Variants in ADGRL3 observed in about 807,000 individuals in gnomAD.
The protein encoded by ADGRL3 is calcium-independent alpha-latrotoxin receptor 3.
ADGRL3 carries 62 observed loss-of-function variants against 153.5 expected under a neutral mutation model. The observed-to-expected ratio is 0.40, with a 90% CI of 0.33 to 0.50. The LOEUF (loss-of-function observed/expected upper bound fraction) is 0.50, where lower values mean the gene tolerates loss of function less well. Ranked by LOEUF, ADGRL3 falls within the 20% of genes least tolerant of loss-of-function variation. ADGRL3 has a pLI of 0.47. For synonymous variants in ADGRL3, 710 were observed against 672.5 expected, an observed-to-expected ratio of 1.06 and a Z score of -0.86; for missense variants, 1,641 against 1,859.4, an observed-to-expected ratio of 0.88 and a Z score of 2.16.
intron 21 of ADGRL3, among the ~76,000 whole-genome samples, chr4:62,001,538 A>T (rs2099140330): frequency 6.6e-6 from 1 of 152,210 alleles, no homozygotes; most frequent in African/African-American, 2.4e-5. Context: ...ATTTTTATTT[A>T]AAATACATTA....
intron 5 of ADGRL3, among the ~76,000 whole-genome samples, chr4:61,651,447 C>A (rs1267668098): frequency 1.3e-5 from 2 of 152,138 alleles, no homozygotes; most frequent in Non-Finnish European, 2.9e-5. Flanking sequence ...GCCTTATCAG[C>A]ATCCTTAGTT....
At chr4:61,238,231 ATCT>A (rs1176213305) in intron 1 of ADGRL3, among the ~76,000 whole-genome samples, 4 of 152,124 alleles carry the variant, frequency 2.6e-5, no homozygotes, top group Non-Finnish European at 4.4e-5. Flanking sequence ...GCCTCTTTAG[ATCT>A]TCTTTATGAG....
chr4:61,370,106 T>C (rs1172315507), intron 1 of ADGRL3, among the ~76,000 whole-genome samples: 1 of 152,208 alleles, frequency 6.6e-6, no homozygotes, highest in African/African-American at 2.4e-5. Flanking sequence ...TGCGTCTATT[T>C]GATTCTTCTC....
chr4:61,432,627 TTTCTTTCTTTCTTTCTTTC>T (rs1560623163), intron 2 of ADGRL3, among the ~76,000 whole-genome samples: 1 of 84,022 alleles, frequency 1.2e-5, no homozygotes, highest in East Asian at 2.4e-4. Context: ...TCTTTCTTTC[TTTCTTTCTTTCTTTCTTTC>T]TTTCTTTCTT....
At chr4:61,865,732 T>A (rs2098394059) in intron 9 of ADGRL3, among the ~76,000 whole-genome samples, 1 of 151,812 alleles carries the variant, frequency 6.6e-6, no homozygotes, top group African/African-American at 2.4e-5. Flanking sequence ...TATTTCCACT[T>A]GACTCTTGTT....
intron 21 of ADGRL3, among the ~76,000 whole-genome samples, chr4:62,006,026 A>AT (rs1560495252): frequency 4.0e-5 from 4 of 100,310 alleles, no homozygotes; most frequent in African/African-American, 1.5e-4. Flanking sequence ...ATATATATAT[A>AT]TATATATTTT....
rs540037684 is a variant in ADGRL3, at chr4:61,313,020, C to A, written c.-239-70104C>A. Among the ~76,000 whole-genome samples, 5 of 152,154 alleles carry A rather than the reference C, an allele frequency of 3.3e-5. No individual in the cohort carries two copies. In the South Asian group the frequency reaches 1.0e-3, roughly 32 times the overall value. ...ATAAGCAGACAGTGGTATATCCATACAATGGTGTGTTATTCAGAGATAAAA... is the reference window on the plus strand; with the variant it reads ...ATAAGCAGACAGTGGTATATCCATAAAATGGTGTGTTATTCAGAGATAAAA... On this transcript the variant is annotated intron_variant, in intron 1 of 26. Transcript: ENST00000683033.
chr4:61,933,368 G>A (rs774385209), intron 13 of ADGRL3, among the ~76,000 whole-genome samples: 9 of 151,692 alleles, frequency 5.9e-5, no homozygotes, highest in South Asian at 4.2e-4. Context: ...CCAGGAAAGC[G>A]GATCATTTTG....
At chr4:61,305,598 T>C (rs1007329812) in intron 1 of ADGRL3, among the ~76,000 whole-genome samples, 2 of 152,298 alleles carry the variant, frequency 1.3e-5, no homozygotes, top group East Asian at 3.9e-4. Context: ...AACTTCTGAT[T>C]TTTTAAGAGA....
intron 4 of ADGRL3, among the ~76,000 whole-genome samples, chr4:61,575,160 A>T (rs1455268855): frequency 6.6e-6 from 1 of 151,916 alleles, no homozygotes; most frequent in Non-Finnish European, 1.5e-5. Context: ...AAGCCATTTG[A>T]GATTTTAATC....
At chr4:61,624,757 G>T (rs1169595540) in intron 5 of ADGRL3, among the ~76,000 whole-genome samples, 1 of 151,914 alleles carries the variant, frequency 6.6e-6, no homozygotes, top group Non-Finnish European at 1.5e-5. Flanking sequence ...GAATCTAATG[G>T]ATATGAGATG....
intron 21 of ADGRL3, among the ~76,000 whole-genome samples, chr4:62,022,366 C>T (rs1228001095): frequency 6.6e-6 from 1 of 152,136 alleles, no homozygotes; most frequent in African/African-American, 2.4e-5. Context: ...AGCTCCATAA[C>T]ATGGAACTGC....
chr4:61,312,290 C>T (rs1401147676), intron 1 of ADGRL3, among the ~76,000 whole-genome samples: 1 of 152,052 alleles, frequency 6.6e-6, no homozygotes, highest in Non-Finnish European at 1.5e-5. Flanking sequence ...TGGATCAAGA[C>T]CTAAATGTAA....
intron 5 of ADGRL3, among the ~76,000 whole-genome samples, chr4:61,629,493 C>T (rs1480490778): frequency 2.6e-5 from 4 of 151,200 alleles, no homozygotes; most frequent in Non-Finnish European, 2.9e-5. Flanking sequence ...CCGAGGTGGG[C>T]GGGTCACGAG....
intron 5 of ADGRL3, among the ~76,000 whole-genome samples, chr4:61,658,948 C>T (rs572146998): frequency 1.3e-5 from 2 of 152,216 alleles, no homozygotes; most frequent in East Asian, 1.9e-4. Context: ...ACAGTTCTAG[C>T]GGCTAGAAGT....
chr4:62,067,088 T>G (rs939972855), intron 25 of ADGRL3, among the ~76,000 whole-genome samples: 3 of 152,140 alleles, frequency 2.0e-5, no homozygotes, highest in Non-Finnish European at 4.4e-5. Context: ...AAATTCTTAC[T>G]TTAAAGTTCT....
intron 1 of ADGRL3, among the ~76,000 whole-genome samples, chr4:61,334,330 A>G (rs1420105808): frequency 6.6e-6 from 1 of 152,224 alleles, no homozygotes; most frequent in East Asian, 1.9e-4. Flanking sequence ...TACCCTGGCA[A>G]CTTTTTGTAA....
intron 1 of ADGRL3, among the ~76,000 whole-genome samples, chr4:61,297,641 T>C (rs1156754218): frequency 6.6e-6 from 1 of 152,136 alleles, no homozygotes; most frequent in Non-Finnish European, 1.5e-5. Flanking sequence ...GAGGAGGGAT[T>C]TTGAATTGGC....
intron 2 of ADGRL3, among the ~76,000 whole-genome samples, chr4:61,416,617 C>G (rs2097147565): frequency 6.6e-6 from 1 of 152,096 alleles, no homozygotes; most frequent in African/African-American, 2.4e-5. Flanking sequence ...AACATTCATG[C>G]ATATGATCAG....
Sources: allele counts gnomAD v4.1 joint callset (sites outside exome capture counted in the v4.1 genomes callset), GRCh38; gene constraint gnomAD v4.1.1; transcripts MANE v1.5; gene names NCBI Gene and HGNC (gene_info 2026-07-23, HGNC 2026-07-21).